Variants in ARHGEF40 observed in about 807,000 individuals in gnomAD.
ARHGEF40 encodes Rho guanine nucleotide exchange factor (GEF) 40.
Under a neutral mutation model 165.9 loss-of-function variants are expected in ARHGEF40, and 98 were observed. The observed-to-expected ratio is 0.59, with a 90% CI of 0.50 to 0.70. The LOEUF is 0.70. Among genes scored for constraint, ARHGEF40 ranks in the 30% least tolerant of loss-of-function variants. ARHGEF40 has a pLI of 0.00. For synonymous variants in ARHGEF40, 792 were observed against 814.3 expected (o/e 0.97, Z 0.47); for missense variants, 1,815 against 1,968.0 (o/e 0.92, Z 1.47).
chr14:21,078,519 G>C, intron 10 of ARHGEF40, 31 bp downstream of exon 10: 1 of 1,532,916 alleles, frequency 6.5e-7, no homozygotes. Context: ...GAGGCAGGTG[G>C]AAGTGGGAGG....
Position 21,081,495 on chromosome 14 carries a change from C to T in ARHGEF40, c.2641-14C>T, listed in dbSNP as rs10146334. ...ACCCTTTCTCTCCCATCCCCAACCC[C>T]TTTGACTTCGTAGGCACATGAATGG... On this transcript the variant is annotated splice_polypyrimidine_tract_variant and intron_variant, in intron 13 of 23. Transcript: ENST00000298694. 0.043 allele frequency: 70,018 copies of T among 1,612,386 alleles called. 1,811 individuals are homozygous for T. Among genetic ancestry groups the T allele is most frequent in the African/African-American group, 0.1 (7,766 of 75,018 alleles).
At chr14:21,071,994 T>A (rs376402474) in intron 1 of ARHGEF40, among the ~76,000 whole-genome samples, 1 of 152,064 alleles carries the variant, frequency 6.6e-6, no homozygotes, top group South Asian at 2.1e-4. Context: ...AGGCAAGGTA[T>A]GGGGGTAGGG....
chr14:21,087,595 A>G lies in ARHGEF40; in HGVS notation c.4387+132A>G, dbSNP rs116011011. ...CATGACAACTATGTACAGCTTCCCC[A>G]CCGCTAAAAGAGCCTTCCATCTGGT... On this transcript the variant is annotated intron_variant, in intron 21 of 23. Transcript: ENST00000298694. 5,093 of 1,318,914 alleles carry G rather than the reference A, an allele frequency of 3.9e-3. 171 individuals are homozygous for G. In the African/African-American group the frequency reaches 0.067, roughly 17 times the overall value. The allele number at this position is 1,318,914 out of a possible 1,614,324, so 81.7% of individuals were successfully genotyped here. A position where few individuals can be genotyped will look rare whatever the true frequency, so the allele number is the denominator to read the frequency against.
In ARHGEF40 at chr14:21,084,791, C is replaced by T. The variant is rs753429925; in HGVS notation, c.3828C>T (p.Asp1276=). 1 of 1,614,140 alleles carries T rather than the reference C, an allele frequency of 6.2e-7. No individual in the cohort carries two copies. Among genetic ancestry groups the T allele is most frequent in the Non-Finnish European group, 8.5e-7 (1 of 1,180,032 alleles). ...AGCAGGGACAGCTCTTGCATCGAGA[C>T]CCCTTCACTGTCATCTGTGGCCGAA... ...LKEQGQLLHR[D]PFTVICGRKK... The change falls in exon 18 of 24, where the codon GAC becomes GAT. Residue 1276 remains aspartate (D), a synonymous_variant. Coordinates refer to ENST00000298694, the MANE Select transcript of ARHGEF40 (RefSeq NM_018071.5).
Position 21,075,548 on chromosome 14 carries a change from C to G in ARHGEF40, c.1618+49C>G. 6.2e-7 allele frequency: 1 copy of G among 1,611,646 alleles called. No individual in the cohort carries two copies. The highest frequency in any genetic ancestry group is 8.5e-7 in the Non-Finnish European group (1 of 1,178,558). ...GGGAAACAGGACTGGGAAAGAGAAG[C>G]AATTGGGTGGGCTTGGGGACTGGGG... On this transcript the variant is annotated intron_variant, in intron 4 of 23. Coordinates refer to ENST00000298694, the MANE Select transcript of ARHGEF40 (RefSeq NM_018071.5). This position sits in a 1 kb window ranked among gnomAD's most constrained non-coding sequence, Gnocchi z 4.5.
Position 21,075,744 on chromosome 14 carries a change from A to G in ARHGEF40, c.1718A>G (p.His573Arg), listed in dbSNP as rs757995602. Residue 573 changes from histidine to arginine, a missense_variant, in exon 5 of 24, where the codon CAT (histidine) becomes CGT (arginine). By Grantham distance (29) the His-to-Arg change is conservative. Coordinates refer to ENST00000298694, the MANE Select transcript of ARHGEF40 (RefSeq NM_018071.5). This position sits in a 1 kb window ranked among gnomAD's most constrained non-coding sequence, Gnocchi z 4.5. ...CGAGACACGCTGAACACAACTCTTC[A>G]TTACCTCCACTCACTGCTCAGGTAA... is the stretch of plus-strand genomic sequence containing the variant. ...PSRDTLNTTLHYLHSLLRPDL... is the reference protein window; with the variant it reads ...PSRDTLNTTLRYLHSLLRPDL... The G allele has an allele frequency of 1.2e-6, 2 of 1,613,194 alleles. No homozygotes were observed. Among genetic ancestry groups the G allele is most frequent in the Non-Finnish European group, 8.5e-7 (1 of 1,179,880 alleles).
At chr14:21,086,907 G>GAGAA in intron 19 of ARHGEF40, 94 bp from the exon 20 acceptor site, 1 of 724,222 alleles carries the variant, frequency 1.4e-6, no homozygotes, top group Non-Finnish European at 2.0e-6. Context: ...GGGAAGGAAC[G>GAGAA]AAAAAAAAAA....
At chr14:21,087,298 C>A in intron 20 of ARHGEF40, 22 bp from the exon 21 acceptor site, 1 of 1,600,266 alleles carries the variant, frequency 6.2e-7, no homozygotes, top group South Asian at 1.1e-5. Context: ...GCACCCCACC[C>A]CCCACTCCCC....
chr14:21,078,841 C>T (rs761345530), intron 10 of ARHGEF40, 43 bp from the exon 11 acceptor site: 21 of 1,595,154 alleles, frequency 1.3e-5, no homozygotes, highest in South Asian at 1.2e-4. Flanking sequence ...AATTGAGGGG[C>T]TCAACAAGGG....
intron 11 of ARHGEF40, among the ~76,000 whole-genome samples, chr14:21,080,420 A>T (rs1427715121): frequency 6.6e-6 from 1 of 152,012 alleles, no homozygotes; most frequent in African/African-American, 2.4e-5. Context: ...CCACTCCCTC[A>T]GTGCTTCCCA....
chr14:21,084,498 G>T (rs569146966), intron 17 of ARHGEF40, among the ~76,000 whole-genome samples: 1 of 152,260 alleles, frequency 6.6e-6, no homozygotes, highest in South Asian at 2.1e-4. Context: ...GCATGCAAAG[G>T]CTTCCCCACA....
rs753505350 is a variant in ARHGEF40 at position 21,075,621 on chromosome 14, A to C, written c.1619-24A>C. The C allele has an allele frequency of 1.2e-6, 2 of 1,614,084 alleles. No individual in the cohort carries two copies. Among genetic ancestry groups the C allele is most frequent in the South Asian group, 2.2e-5 (2 of 91,080 alleles). ...GGCATGGACTGCTCCCAGCCAGGACAGCCTGGCCATTTTGTGTCTTCAGGA... is the reference window on the plus strand; with the variant it reads ...GGCATGGACTGCTCCCAGCCAGGACCGCCTGGCCATTTTGTGTCTTCAGGA... On this transcript the variant is annotated intron_variant, in intron 4 of 23. Transcript: ENST00000298694. The surrounding 1 kb of genome is among the most constrained non-coding windows in gnomAD (Gnocchi z 4.5).
chr14:21,085,871 T>C lies in ARHGEF40; in HGVS notation c.4138+5T>C. The C allele has an allele frequency of 6.2e-7, 1 of 1,613,534 alleles. No homozygotes were observed. Among genetic ancestry groups the C allele is most frequent in the Non-Finnish European group, 8.5e-7 (1 of 1,179,870 alleles). On this transcript the variant is annotated splice_donor_5th_base_variant and intron_variant, in intron 19 of 23. Transcript: ENST00000298694. ...GACAGGCAGCCCACAACAAGGGTAC[T>C]GGGCAGAGCTGAGGAAGGGGGTGCT...
upstream of ARHGEF40, among the ~76,000 whole-genome samples, chr14:21,068,203 G>T (rs1237205705): frequency 5.8e-4 from 10 of 17,148 alleles, 3 homozygotes; most frequent in African/African-American, 9.5e-4. Context: ...GTTTCACCGT[G>T]TTAGCCAGGA....
At chr14:21,088,633 C>T (rs139565879) in intron 22 of ARHGEF40, among the ~76,000 whole-genome samples, 197 bp from the exon 23 acceptor site, 1 of 152,200 alleles carries the variant, frequency 6.6e-6, no homozygotes, top group African/African-American at 2.4e-5. Flanking sequence ...CTTCAGTGAG[C>T]CATGTTTGTG....
At chr14:21,087,684 G>C (rs1020377104) in intron 21 of ARHGEF40, 12 of 717,880 alleles carry the variant, frequency 1.7e-5, no homozygotes, top group Non-Finnish European at 2.3e-5. Flanking sequence ...TCTCTCTCTA[G>C]CTCTTCTTGG....
At position 21,073,811 on chromosome 14, in the gene ARHGEF40, C is replaced by T. The variant is rs1042216275; in HGVS notation, c.202-121C>T. On this transcript the variant is annotated intron_variant, in intron 2 of 23. Transcript: ENST00000298694. This position sits in a 1 kb window ranked among gnomAD's most constrained non-coding sequence, Gnocchi z 4.6. ...ACCCCAAATCTCCCCTCCTGCTCTC[C>T]TGAGAGTATAACCTTCCAGGCATAA... The T allele has an allele frequency of 1.7e-6, 2 of 1,191,316 alleles. No individual in the cohort carries two copies. Among genetic ancestry groups the T allele is most frequent in the African/African-American group, 3.1e-5 (2 of 65,398 alleles). 73.8% of individuals were successfully genotyped at this position (1,191,316 alleles called of 1,614,324 possible).
At chr14:21,071,704 A>G (rs1749345110) in intron 1 of ARHGEF40, among the ~76,000 whole-genome samples, 1 of 151,770 alleles carries the variant, frequency 6.6e-6, no homozygotes, top group Admixed American at 6.6e-5. Context: ...CTCGCTGCTC[A>G]AGCCCTAGCT....
At chr14:21,088,327 G>A (rs1888540092) in intron 22 of ARHGEF40, among the ~76,000 whole-genome samples, 1 of 152,136 alleles carries the variant, frequency 6.6e-6, no homozygotes, top group Admixed American at 6.5e-5. Flanking sequence ...AAGGAGTATA[G>A]TGCTGGGGTG....
Sources: gnomAD v4.1 joint callset for allele counts (sites outside exome capture counted in the v4.1 genomes callset) on GRCh38, gnomAD v4.1.1 for gene constraint, Gnocchi (gnomAD v3.1) non-coding constraint, MANE v1.5 for transcripts, NCBI Gene and HGNC (gene_info 2026-07-23, HGNC 2026-07-21) for gene names.